The following CGNL1 variants were observed in gnomAD, a reference collection of about 807,000 sequenced individuals.
CGNL1 encodes cingulin like 1.
CGNL1 carries 132 observed loss-of-function variants against 141.2 expected under a neutral mutation model. The observed-to-expected ratio is 0.93, with a 90% CI of 0.81 to 1.08. CGNL1 has a LOEUF of 1.08. Ranked by LOEUF, CGNL1 falls within the 50% of genes least tolerant of loss-of-function variation. The pLI, the probability that CGNL1 is intolerant of heterozygous loss-of-function variation, is 0.00. For missense variants in CGNL1, 1,870 were observed against 1,588.6 expected (o/e 1.18, Z -3.01); for synonymous variants, 690 against 622.1 (o/e 1.11, Z -1.63).
chr15:57,414,203 G>A (rs1190761680), intron 1 of CGNL1, among the ~76,000 whole-genome samples: 1 of 152,162 alleles, frequency 6.6e-6, no homozygotes, highest in East Asian at 1.9e-4. Flanking sequence ...TAAGGGGGCT[G>A]CTGGGCTGGT....
At chr15:57,513,276 G>A (rs1489002321) in intron 8 of CGNL1, among the ~76,000 whole-genome samples, 2 of 116,688 alleles carry the variant, frequency 1.7e-5, no homozygotes, top group Non-Finnish European at 3.8e-5. Flanking sequence ...GTGTGTGTGT[G>A]TGTGTGTGTG....
intron 14 of CGNL1, among the ~76,000 whole-genome samples, chr15:57,532,247 A>C (rs1002856236): frequency 6.6e-6 from 1 of 152,234 alleles, no homozygotes; most frequent in Middle Eastern, 3.2e-3. Context: ...AGACTAGTGA[A>C]TACAAATTAA....
chr15:57,487,187 T>A (rs2063796506), intron 8 of CGNL1, among the ~76,000 whole-genome samples: 1 of 152,204 alleles, frequency 6.6e-6, no homozygotes, highest in African/African-American at 2.4e-5. Flanking sequence ...AAGAGATGAA[T>A]ATTTGCAAAT....
intron 14 of CGNL1, among the ~76,000 whole-genome samples, chr15:57,542,138 C>G (rs1178392379): frequency 6.6e-6 from 1 of 152,198 alleles, no homozygotes; most frequent in African/African-American, 2.4e-5. Context: ...AGTTCTTGCT[C>G]TCCATGGGGG....
intron 9 of CGNL1, 29 bp downstream of exon 9, chr15:57,517,015 T>C: frequency 6.3e-7 from 1 of 1,593,944 alleles, no homozygotes; most frequent in Non-Finnish European, 8.6e-7. Context: ...AGGCCCAGCT[T>C]TGGCAGCTGC....
intron 1 of CGNL1, among the ~76,000 whole-genome samples, chr15:57,380,240 G>A (rs1296638082): frequency 6.6e-6 from 1 of 152,070 alleles, no homozygotes; most frequent in East Asian, 1.9e-4. Context: ...CACCATGTTG[G>A]CCAGGCTGGT....
intron 1 of CGNL1, among the ~76,000 whole-genome samples, chr15:57,433,064 C>G (rs2063063614): frequency 6.7e-6 from 1 of 150,270 alleles, no homozygotes; most frequent in African/African-American, 2.5e-5. Flanking sequence ...TCTTACAACA[C>G]TTATTGGTGA....
At chr15:57,421,030 G>T (rs1246642907) in intron 1 of CGNL1, among the ~76,000 whole-genome samples, 1 of 152,184 alleles carries the variant, frequency 6.6e-6, no homozygotes, top group Non-Finnish European at 1.5e-5. Flanking sequence ...TCTTTGGGAG[G>T]TAATTAGGGT....
At chr15:57,492,317 T>C (rs2063876806) in intron 8 of CGNL1, among the ~76,000 whole-genome samples, 2 of 152,204 alleles carry the variant, frequency 1.3e-5, no homozygotes, top group South Asian at 4.1e-4. Flanking sequence ...CTTGATTCAT[T>C]TCCTCAGAGG....
chr15:57,440,909 T>A (rs2063178346), intron 3 of CGNL1, among the ~76,000 whole-genome samples: 1 of 152,048 alleles, frequency 6.6e-6, no homozygotes, highest in South Asian at 2.1e-4. Context: ...TTTTAAAGCA[T>A]GTGTGAGTCA....
intron 8 of CGNL1, among the ~76,000 whole-genome samples, chr15:57,489,642 C>G (rs2063831161): frequency 6.6e-6 from 1 of 152,152 alleles, no homozygotes; most frequent in Admixed American, 6.5e-5. Context: ...TATTAGTTGT[C>G]CCATCACTGT....
intron 8 of CGNL1, among the ~76,000 whole-genome samples, chr15:57,471,769 G>A (rs1330770666): frequency 3.9e-5 from 6 of 152,148 alleles, no homozygotes; most frequent in Non-Finnish European, 8.8e-5. Flanking sequence ...TCTAACTGTT[G>A]GGAATGGATT....
intron 8 of CGNL1, among the ~76,000 whole-genome samples, chr15:57,482,480 A>G (rs1352575328): frequency 6.6e-6 from 1 of 152,184 alleles, no homozygotes; most frequent in Non-Finnish European, 1.5e-5. Context: ...GTGGAAGTTT[A>G]GTTTGAGGTT....
intron 12 of CGNL1, among the ~76,000 whole-genome samples, 167 bp downstream of exon 12, chr15:57,524,918 G>A (rs557549684): frequency 2.6e-4 from 40 of 152,246 alleles, no homozygotes; most frequent in African/African-American, 9.4e-4. Context: ...GCATTCTGGA[G>A]CACAAAGGAC....
chr15:57,473,903 T>C (rs397834765), intron 8 of CGNL1, among the ~76,000 whole-genome samples: 85 of 71,654 alleles, frequency 1.2e-3, no homozygotes, highest in African/African-American at 2.0e-3. Context: ...CTTCTTCTTT[T>C]TTTTTTTTTT....
At chr15:57,528,858 C>A (rs758645818) in intron 13 of CGNL1, 43 bp downstream of exon 13, 5 of 1,589,544 alleles carry the variant, frequency 3.1e-6, no homozygotes, top group East Asian at 2.3e-5. Flanking sequence ...CTGCAGAGAG[C>A]GAGGCTGGGC....
At chr15:57,421,065 C>T (rs1483152714) in intron 1 of CGNL1, among the ~76,000 whole-genome samples, 1 of 152,058 alleles carries the variant, frequency 6.6e-6, no homozygotes, top group South Asian at 2.1e-4. Flanking sequence ...AGGATGGGGC[C>T]CTTAAAATGA....
chr15:57,387,575 G>A (rs1405369876), intron 1 of CGNL1, among the ~76,000 whole-genome samples: 1 of 152,164 alleles, frequency 6.6e-6, no homozygotes, highest in Non-Finnish European at 1.5e-5. Context: ...GGGGCCCTGA[G>A]TGGTGCTTCA....
At chr15:57,489,834 C>T (rs2063834057) in intron 8 of CGNL1, among the ~76,000 whole-genome samples, 1 of 152,172 alleles carries the variant, frequency 6.6e-6, no homozygotes, top group South Asian at 2.1e-4. Flanking sequence ...GACTGAGATA[C>T]TACTAACTAT....
Sources: allele counts gnomAD v4.1 joint callset (sites outside exome capture counted in the v4.1 genomes callset), GRCh38; gene constraint gnomAD v4.1.1; transcripts MANE v1.5; gene names NCBI Gene and HGNC (gene_info 2026-07-23, HGNC 2026-07-21).